The following SMCHD1 variants were observed in gnomAD, a reference collection of about 807,000 sequenced individuals.
The protein encoded by SMCHD1 is structural maintenance of chromosomes flexible hinge domain containing 1, also known as structural maintenance of chromosomes flexible hinge domain-containing protein 1.
In SMCHD1, 78 loss-of-function variants were observed where a neutral mutation model predicts 254.7. The observed-to-expected ratio is 0.31, with a 90% CI of 0.26 to 0.37. The LOEUF is 0.37. SMCHD1 is among the 10% of genes least tolerant of loss of function. The pLI is 1.00. For missense variants in SMCHD1, 1,840 were observed against 2,408.1 expected (o/e 0.76, Z 4.94); for synonymous variants, 766 against 794.9 (o/e 0.96, Z 0.61).
At chr18:2,740,175 CAT>C (rs1555644543) in intron 27 of SMCHD1, among the ~76,000 whole-genome samples, 3 of 152,010 alleles carry the variant, frequency 2.0e-5, no homozygotes, top group Non-Finnish European at 4.4e-5. Context: ...AGAGTGAGAA[CAT>C]GTGGTGTTTG....
chr18:2,736,732 T>C (rs1473886306), intron 25 of SMCHD1, among the ~76,000 whole-genome samples: 2 of 152,162 alleles, frequency 1.3e-5, no homozygotes, highest in African/African-American at 4.8e-5. Flanking sequence ...TGTCTATATT[T>C]AAAACATCAA....
At chr18:2,699,158 A>T (rs2074345963) in intron 10 of SMCHD1, among the ~76,000 whole-genome samples, 1 of 152,130 alleles carries the variant, frequency 6.6e-6, no homozygotes. Flanking sequence ...TTTCTGTTGG[A>T]CAAACTACTC....
chr18:2,783,917 A>T (rs1453507720), intron 44 of SMCHD1, among the ~76,000 whole-genome samples: 1 of 152,076 alleles, frequency 6.6e-6, no homozygotes, highest in Non-Finnish European at 1.5e-5. Context: ...CCCATCCATG[A>T]CTTCAGTTTT....
In SMCHD1 at chr18:2,772,377, G is replaced by T; in HGVS notation, c.5175+5G>T. 6.4e-7 allele frequency: 1 copy of T among 1,553,200 alleles called. No individual in the cohort carries two copies. Among genetic ancestry groups the T allele is most frequent in the East Asian group, 2.4e-5 (1 of 41,976 alleles). ...AGTGGAGATGTTTTGGGAAAGGTTTGTGTTTATTAAGCCTTTTGAAAGGCA... is the reference window on the plus strand; with the variant it reads ...AGTGGAGATGTTTTGGGAAAGGTTTTTGTTTATTAAGCCTTTTGAAAGGCA... On this transcript the variant is annotated splice_donor_5th_base_variant and intron_variant, in intron 41 of 47. Coordinates refer to ENST00000320876, the MANE Select transcript of SMCHD1 (RefSeq NM_015295.3).
chr18:2,784,646 G>A (rs1829243826), intron 45 of SMCHD1, 25 bp downstream of exon 45: 1 of 1,532,190 alleles, frequency 6.5e-7, no homozygotes, highest in African/African-American at 1.4e-5. Flanking sequence ...TACTTAAATA[G>A]CAATTTCTAA....
chr18:2,794,559 G>A (rs989781479), intron 45 of SMCHD1, among the ~76,000 whole-genome samples: 4 of 152,136 alleles, frequency 2.6e-5, no homozygotes, highest in Non-Finnish European at 4.4e-5. Flanking sequence ...GAGTGGTAGT[G>A]TACTAACCCT....
At chr18:2,678,908 T>C (rs1170762539) in intron 5 of SMCHD1, among the ~76,000 whole-genome samples, 1 of 150,716 alleles carries the variant, frequency 6.6e-6, no homozygotes, top group East Asian at 2.0e-4. Context: ...GAGTGTGTAG[T>C]GCAATCTCAG....
chr18:2,680,685 A>G (rs868841620), intron 5 of SMCHD1, among the ~76,000 whole-genome samples: 2 of 152,180 alleles, frequency 1.3e-5, no homozygotes, highest in African/African-American at 4.8e-5. Context: ...GAGTCTAGTG[A>G]ATATGTTGAA....
intron 5 of SMCHD1, 83 bp from the exon 6 acceptor site, chr18:2,688,311 A>C: frequency 3.5e-5 from 33 of 936,216 alleles, no homozygotes; most frequent in Non-Finnish European, 4.6e-5. Flanking sequence ...TCATTTTATT[A>C]ACACTGAATA....
intron 5 of SMCHD1, among the ~76,000 whole-genome samples, chr18:2,685,875 A>G (rs559773809): frequency 6.6e-6 from 1 of 152,330 alleles, no homozygotes; most frequent in African/African-American, 2.4e-5. Context: ...AGATTAATGG[A>G]CACAAGTTGT....
chr18:2,689,923 C>G (rs538744199), intron 7 of SMCHD1, among the ~76,000 whole-genome samples: 3 of 148,960 alleles, frequency 2.0e-5, no homozygotes, highest in Non-Finnish European at 4.4e-5. Context: ...GCTCAGCAGG[C>G]TGAGGTGGGA....
In SMCHD1 at chr18:2,775,945, A is replaced by AT. The variant is rs753204554; in HGVS notation, c.5366+29dup. ...AAAAGGTTAGAAAAAAGTGAAAGTA[A>AT]TTTTTTTTCTGAAATATATTTTCTG... On this transcript the variant is annotated intron_variant, in intron 42 of 47. Coordinates refer to ENST00000320876, the MANE Select transcript of SMCHD1 (RefSeq NM_015295.3). 3.8e-5 allele frequency: 58 copies of AT among 1,532,776 alleles called. No individual in the cohort carries two copies. In the Middle Eastern group the frequency reaches 5.1e-4, roughly 13 times the overall value. 94.9% of individuals were successfully genotyped at this position (1,532,776 alleles called of 1,614,324 possible).
chr18:2,764,279 G>A (rs998990500), intron 37 of SMCHD1, among the ~76,000 whole-genome samples: 3 of 151,874 alleles, frequency 2.0e-5, no homozygotes, highest in African/African-American at 4.8e-5. Flanking sequence ...CCAGAGTTTC[G>A]GCATATACAC....
At chr18:2,723,207 T>G (rs1431988832) in intron 20 of SMCHD1, among the ~76,000 whole-genome samples, 1 of 152,250 alleles carries the variant, frequency 6.6e-6, no homozygotes, top group Non-Finnish European at 1.5e-5. Flanking sequence ...TGAAATTTTT[T>G]AAAGACCCTC....
chr18:2,748,380 G>GTGTGTGTGTGTGTGTGTGTGTGTATATA (rs561439889), intron 30 of SMCHD1, among the ~76,000 whole-genome samples: 12 of 80,246 alleles, frequency 1.5e-4, no homozygotes, highest in African/African-American at 8.2e-4. Context: ...GTGTGTGTGT[G>GTGTGTGTGTGTGTGTGTGTGTGTATATA]TGTATATAAA....
intron 30 of SMCHD1, among the ~76,000 whole-genome samples, 196 bp from the exon 31 acceptor site, chr18:2,749,847 G>A (rs1445849621): frequency 1.3e-5 from 2 of 152,110 alleles, no homozygotes; most frequent in African/African-American, 4.8e-5. Flanking sequence ...ATGAGTGATT[G>A]TTATTCTACT....
intron 45 of SMCHD1, among the ~76,000 whole-genome samples, chr18:2,792,720 A>G (rs1273022963): frequency 6.6e-6 from 1 of 152,222 alleles, no homozygotes; most frequent in Admixed American, 6.5e-5. Context: ...ATTTATTATA[A>G]TACTGTCAAT....
At chr18:2,758,690 C>G (rs905691204) in intron 34 of SMCHD1, among the ~76,000 whole-genome samples, 3 of 152,160 alleles carry the variant, frequency 2.0e-5, no homozygotes, top group Non-Finnish European at 4.4e-5. Context: ...TCAAGGTCAG[C>G]AATTTCTTAA....
chr18:2,735,900 G>A (rs1417295328), intron 25 of SMCHD1, among the ~76,000 whole-genome samples: 1 of 152,108 alleles, frequency 6.6e-6, no homozygotes, highest in African/African-American at 2.4e-5. Context: ...TTGGAAAAAA[G>A]CTATTCTAAA....
Sources: gnomAD v4.1 joint callset for allele counts (sites outside exome capture counted in the v4.1 genomes callset) on GRCh38, gnomAD v4.1.1 for gene constraint, MANE v1.5 for transcripts, NCBI Gene and HGNC (gene_info 2026-07-23, HGNC 2026-07-21) for gene names.